HS3ST4: variants seen among roughly 807,000 people sequenced by gnomAD.
The protein encoded by HS3ST4 is heparan sulfate glucosamine 3-O-sulfotransferase 4.
HS3ST4 carries 17 observed loss-of-function variants against 29.2 expected under a neutral mutation model. The observed-to-expected ratio is 0.58, with a 90% confidence interval of 0.40 to 0.87. The LOEUF (loss-of-function observed/expected upper bound fraction) is 0.87. HS3ST4 is among the 40% of genes least tolerant of loss of function. The pLI is 0.00. For synonymous variants in HS3ST4, 314 were observed against 285.7 expected, an observed-to-expected ratio of 1.10 and a Z score of -1.00; for missense variants, 627 against 634.5, an observed-to-expected ratio of 0.99 and a Z score of 0.13.
chr16:26,109,656 G>A (rs1210977447), intron 1 of HS3ST4, among the ~76,000 whole-genome samples: 3 of 151,294 alleles, frequency 2.0e-5, no homozygotes, highest in South Asian at 2.1e-4. Context: ...CAGTGTACAC[G>A]GTCTTATATT....
intron 1 of HS3ST4, among the ~76,000 whole-genome samples, chr16:26,107,517 T>C (rs149161714): frequency 1.3e-3 from 200 of 152,274 alleles, no homozygotes; most frequent in African/African-American, 4.7e-3. Context: ...GTAGCCAAAA[T>C]ATAGTTTTTT....
chr16:25,708,512 A>G (rs1410864526), intron 1 of HS3ST4, among the ~76,000 whole-genome samples: 2 of 152,232 alleles, frequency 1.3e-5, no homozygotes, highest in Non-Finnish European at 1.5e-5. Context: ...TCTTATGACT[A>G]TCTAAATATG....
At chr16:26,053,053 G>GTC (rs1898365670) in intron 1 of HS3ST4, among the ~76,000 whole-genome samples, 1 of 152,200 alleles carries the variant, frequency 6.6e-6, no homozygotes, top group Admixed American at 6.5e-5. Flanking sequence ...TAAGTCCTGG[G>GTC]TCTCTAGTTT....
intron 1 of HS3ST4, among the ~76,000 whole-genome samples, chr16:25,754,225 A>C (rs1316228173): frequency 1.3e-5 from 2 of 152,202 alleles, no homozygotes; most frequent in Non-Finnish European, 2.9e-5. Context: ...ACATAAAGCC[A>C]GAGTGTCTAG....
At chr16:25,756,293 T>C (rs952975155) in intron 1 of HS3ST4, among the ~76,000 whole-genome samples, 3 of 152,014 alleles carry the variant, frequency 2.0e-5, no homozygotes, top group African/African-American at 7.3e-5. Context: ...GATACAAATA[T>C]TGTTTGATCA....
chr16:25,861,480 T>A (rs1484103018), intron 1 of HS3ST4, among the ~76,000 whole-genome samples: 3 of 152,224 alleles, frequency 2.0e-5, no homozygotes, highest in African/African-American at 7.2e-5. Context: ...ATTTTATGAC[T>A]TAAATCGTTG....
At chr16:25,758,979 C>CAA (rs35194185) in intron 1 of HS3ST4, among the ~76,000 whole-genome samples, 59,695 of 112,912 alleles carry the variant, frequency 0.53, 12,483 homozygotes, top group South Asian at 0.58. Context: ...AACAAAAAAA[C>CAA]AAAAAAAAAC....
intron 1 of HS3ST4, among the ~76,000 whole-genome samples, chr16:25,852,154 G>T (rs1356316122): frequency 1.3e-5 from 2 of 152,124 alleles, no homozygotes; most frequent in Non-Finnish European, 2.9e-5. Flanking sequence ...AGTCAGCAGG[G>T]TCTCTCATGA....
intron 1 of HS3ST4, among the ~76,000 whole-genome samples, chr16:25,819,942 C>A (rs1024826222): frequency 8.1e-6 from 1 of 122,968 alleles, no homozygotes; most frequent in Non-Finnish European, 1.6e-5. Context: ...ACCCGGGAGG[C>A]AGAGGCTGCA....
intron 1 of HS3ST4, among the ~76,000 whole-genome samples, chr16:25,735,083 C>T (rs1966598181): frequency 6.6e-6 from 1 of 152,184 alleles, no homozygotes; most frequent in Non-Finnish European, 1.5e-5. Context: ...GGTTTGACAA[C>T]CAGCCCCTTG....
At chr16:25,873,316 ATCCATCCT>A (rs879656939) in intron 1 of HS3ST4, among the ~76,000 whole-genome samples, 7,722 of 84,122 alleles carry the variant, frequency 0.092, 452 homozygotes, top group African/African-American at 0.21. Flanking sequence ...CCATCCATCC[ATCCATCCT>A]TCCTTCCTTC....
intron 1 of HS3ST4, among the ~76,000 whole-genome samples, chr16:25,703,101 T>C (rs1283763868): frequency 6.6e-6 from 1 of 151,952 alleles, no homozygotes; most frequent in African/African-American, 2.4e-5. Context: ...AGAGGTTGCA[T>C]TGAGCCGAGA....
chr16:25,842,562 C>T (rs1406886850), intron 1 of HS3ST4, among the ~76,000 whole-genome samples: 2 of 152,090 alleles, frequency 1.3e-5, no homozygotes, highest in African/African-American at 2.4e-5. Flanking sequence ...TTTTAGATAC[C>T]CAGTAAATTA....
intron 1 of HS3ST4, among the ~76,000 whole-genome samples, chr16:25,714,829 C>A (rs538177517): frequency 1.3e-5 from 2 of 152,324 alleles, no homozygotes; most frequent in Admixed American, 6.5e-5. Context: ...ATGGACATCT[C>A]TGTAGTTTCC....
At chr16:25,745,595 A>C (rs1018079675) in intron 1 of HS3ST4, among the ~76,000 whole-genome samples, 34 of 152,168 alleles carry the variant, frequency 2.2e-4, no homozygotes, top group Admixed American at 5.9e-4. Flanking sequence ...TGATGAATGC[A>C]CACAGTCATG....
chr16:26,078,373 C>T (rs1225024388), intron 1 of HS3ST4, among the ~76,000 whole-genome samples: 3 of 152,204 alleles, frequency 2.0e-5, no homozygotes, highest in African/African-American at 7.2e-5. Flanking sequence ...TGGTCTCGAT[C>T]TCCTGACTTC....
intron 1 of HS3ST4, among the ~76,000 whole-genome samples, chr16:25,857,688 A>T (rs1012832165): frequency 6.6e-6 from 1 of 152,046 alleles, no homozygotes; most frequent in Non-Finnish European, 1.5e-5. Context: ...GGTTGGTATC[A>T]TTTTTTTAAT....
In HS3ST4 at chr16:26,137,566, G is replaced by C. The variant is rs1336023752; in HGVS notation, c.*1318G>C. ...TCACAGATCTCCAAAACCAGGAATT[G>C]TTCTAGTAAAACTGGAAATTTGTAT... is the stretch of plus-strand genomic sequence containing the variant. On this transcript the variant is annotated 3_prime_UTR_variant, in exon 2 of 2. Coordinates refer to ENST00000331351, the MANE Select transcript of HS3ST4 (RefSeq NM_006040.3). 1 of 152,280 alleles carries C rather than the reference G, an allele frequency of 6.6e-6. No homozygotes were observed. The highest frequency in any genetic ancestry group is 2.1e-4 in the South Asian group (1 of 4,824). 9.4% of individuals were successfully genotyped at this position (152,280 alleles called of 1,614,324 possible).
intron 1 of HS3ST4, among the ~76,000 whole-genome samples, chr16:26,031,846 T>C (rs970265628): frequency 2.0e-5 from 3 of 152,086 alleles, no homozygotes; most frequent in African/African-American, 7.2e-5. Context: ...TTCAATGGAC[T>C]ACCAAAAATC....
Sources: allele counts gnomAD v4.1 joint callset (sites outside exome capture counted in the v4.1 genomes callset), GRCh38; gene constraint gnomAD v4.1.1; transcripts MANE v1.5; gene names NCBI Gene and HGNC (gene_info 2026-07-23, HGNC 2026-07-21).